GPC5: variants seen among roughly 807,000 people sequenced by gnomAD.
GPC5 encodes the protein glypican 5, also known as glypican-5.
Under a neutral mutation model 53.9 loss-of-function variants are expected in GPC5, and 47 were observed. The observed-to-expected ratio is 0.87, with a 90% CI of 0.69 to 1.11. The LOEUF (loss-of-function observed/expected upper bound fraction) is 1.11. Ranked by LOEUF, GPC5 falls within the 50% of genes most tolerant of loss-of-function variation. The probability of loss-of-function intolerance (pLI) is 0.00; values close to 1 mark genes in which losing one functional copy is unlikely to be tolerated. For synonymous variants in GPC5, 286 were observed against 263.3 expected (o/e 1.09, Z -0.84); for missense variants, 748 against 713.1 (o/e 1.05, Z -0.56).
intron 6 of GPC5, among the ~76,000 whole-genome samples, chr13:92,066,689 A>G (rs1272995338): frequency 6.6e-6 from 1 of 152,136 alleles, no homozygotes; most frequent in African/African-American, 2.4e-5. Context: ...CAGACATATC[A>G]AAGGGTAATT....
intron 7 of GPC5, among the ~76,000 whole-genome samples, chr13:92,156,514 GCT>G (rs1170558114): frequency 1.3e-5 from 2 of 149,692 alleles, no homozygotes; most frequent in South Asian, 2.1e-4. Context: ...TTGGTGGTGT[GCT>G]CTCTCTCATT....
chr13:92,247,124 G>A (rs549810095), intron 7 of GPC5, among the ~76,000 whole-genome samples: 1 of 152,184 alleles, frequency 6.6e-6, no homozygotes, highest in African/African-American at 2.4e-5. Flanking sequence ...TGTCATCTGT[G>A]CTATAATATG....
At chr13:91,835,057 A>G (rs1181179893) in intron 5 of GPC5, among the ~76,000 whole-genome samples, 1 of 152,112 alleles carries the variant, frequency 6.6e-6, no homozygotes, top group Non-Finnish European at 1.5e-5. Context: ...CAAGAAAACA[A>G]CCCCATCAAA....
chr13:92,064,575 G>A (rs1484557033), intron 6 of GPC5, among the ~76,000 whole-genome samples: 1 of 152,010 alleles, frequency 6.6e-6, no homozygotes, highest in African/African-American at 2.4e-5. Context: ...GACCAACATG[G>A]TGAAACCCCA....
chr13:92,040,867 T>C (rs1158682260), intron 6 of GPC5, among the ~76,000 whole-genome samples: 4 of 152,238 alleles, frequency 2.6e-5, no homozygotes, highest in Non-Finnish European at 5.9e-5. Flanking sequence ...ATTTATTTAT[T>C]GAGACAAAGT....
intron 6 of GPC5, among the ~76,000 whole-genome samples, chr13:91,933,203 G>A (rs1218970747): frequency 6.6e-6 from 1 of 151,824 alleles, no homozygotes; most frequent in Non-Finnish European, 1.5e-5. Flanking sequence ...CTGTTCTCCT[G>A]ACATTTCATT....
chr13:92,496,424 T>C (rs929183805), intron 7 of GPC5, among the ~76,000 whole-genome samples: 3 of 152,204 alleles, frequency 2.0e-5, no homozygotes, highest in Non-Finnish European at 4.4e-5. Context: ...ACACAGTATG[T>C]GTCACTCGAT....
chr13:92,844,125 C>G (rs959994230), intron 7 of GPC5, among the ~76,000 whole-genome samples: 19 of 151,848 alleles, frequency 1.3e-4, no homozygotes, highest in African/African-American at 3.9e-4. Context: ...TTGTAAGTGA[C>G]AGTTACTTCT....
At chr13:92,119,567 ATTTTTTTTT>A (rs59391576) in intron 6 of GPC5, among the ~76,000 whole-genome samples, 758 of 70,658 alleles carry the variant, frequency 0.011, 7 homozygotes, top group Middle Eastern at 0.015. Flanking sequence ...CGCCTGGCTA[ATTTTTTTTT>A]TTTTTTTTTT....
chr13:91,552,165 T>C (rs1486548054), intron 2 of GPC5, among the ~76,000 whole-genome samples: 1 of 152,048 alleles, frequency 6.6e-6, no homozygotes, highest in Non-Finnish European at 1.5e-5. Flanking sequence ...AGAGATGAAA[T>C]GAGTCTGAAG....
chr13:91,435,237 G>T (rs1033566769), intron 1 of GPC5, among the ~76,000 whole-genome samples: 2 of 152,174 alleles, frequency 1.3e-5, no homozygotes, highest in Non-Finnish European at 2.9e-5. Context: ...GATAGGCGTG[G>T]TGAGAGAGGG....
intron 7 of GPC5, among the ~76,000 whole-genome samples, chr13:92,458,328 G>A (rs1387810489): frequency 1.3e-5 from 2 of 150,834 alleles, no homozygotes; most frequent in Non-Finnish European, 3.0e-5. Flanking sequence ...GGGGGATGAA[G>A]TTTTGCTTTT....
intron 7 of GPC5, among the ~76,000 whole-genome samples, chr13:92,355,947 C>T (rs1323641711): frequency 2.7e-5 from 4 of 148,384 alleles, no homozygotes; most frequent in Non-Finnish European, 5.9e-5. Context: ...CTTAGACTCA[C>T]ATCGTCTCTT....
intron 5 of GPC5, among the ~76,000 whole-genome samples, chr13:91,843,593 A>G (rs2138876436): frequency 6.6e-6 from 1 of 152,320 alleles, no homozygotes; most frequent in Non-Finnish European, 1.5e-5. Flanking sequence ...ACAACTGAGA[A>G]ATTACTTATA....
chr13:92,088,470 G>T (rs184634849), intron 6 of GPC5, among the ~76,000 whole-genome samples: 2 of 152,260 alleles, frequency 1.3e-5, no homozygotes, highest in Non-Finnish European at 2.9e-5. Context: ...TGGCCCACTG[G>T]AGTTCTCTCA....
At chr13:91,475,912 C>T (rs921966641) in intron 2 of GPC5, among the ~76,000 whole-genome samples, 1 of 152,122 alleles carries the variant, frequency 6.6e-6, no homozygotes, top group Admixed American at 6.6e-5. Flanking sequence ...GACCAGTGAT[C>T]TAATCTGCCA....
intron 6 of GPC5, among the ~76,000 whole-genome samples, chr13:92,027,227 T>A (rs975536960): frequency 1.3e-5 from 2 of 152,100 alleles, no homozygotes; most frequent in South Asian, 4.1e-4. Context: ...TGAAAGAAAA[T>A]ACTTTTGGTG....
intron 7 of GPC5, among the ~76,000 whole-genome samples, chr13:92,516,893 G>A (rs147138079): frequency 1.0e-3 from 156 of 152,258 alleles, no homozygotes; most frequent in African/African-American, 3.7e-3. Context: ...CACTTCACCT[G>A]GGAAGCACAA....
At chr13:92,096,202 T>A (rs1258464551) in intron 6 of GPC5, among the ~76,000 whole-genome samples, 9 of 152,218 alleles carry the variant, frequency 5.9e-5, no homozygotes, top group Non-Finnish European at 1.2e-4. Flanking sequence ...TATATAGTTT[T>A]TATTTCTTCC....
Sources: allele counts gnomAD v4.1 joint callset (sites outside exome capture counted in the v4.1 genomes callset), GRCh38; gene constraint gnomAD v4.1.1; transcripts MANE v1.5; gene names NCBI Gene and HGNC (gene_info 2026-07-23, HGNC 2026-07-21).